The following PON3 variants were observed in gnomAD, a reference collection of about 807,000 sequenced individuals.
PON3 encodes paraoxonase 3.
PON3 carries 37 observed loss-of-function variants against 36.3 expected under a neutral mutation model. The observed-to-expected ratio is 1.02, with a 90% CI of 0.78 to 1.34. The LOEUF is 1.34. PON3 is among the 40% of genes most tolerant of loss of function. The pLI is 0.00. For missense variants in PON3, 415 were observed against 426.5 expected (o/e 0.97, Z 0.24); for synonymous variants, 155 against 154.8 (o/e 1.00, Z -0.01).
Position 95,367,490 on chromosome 7 carries a change from T to A in PON3, c.368-2A>T. The stretch of plus-strand genomic sequence containing the variant: ...CAACATAAAGATACACAGTATTGTC[T>A]ACATGGAAAAAAGGGATAATTTCCA... On this transcript the variant is annotated splice_acceptor_variant, in intron 4 of 8. Coordinates refer to ENST00000265627, the MANE Select transcript of PON3 (RefSeq NM_000940.3). LOFTEE classifies it high-confidence loss of function. The A allele has an allele frequency of 6.2e-7, 1 of 1,612,746 alleles. No individual in the cohort carries two copies. Among genetic ancestry groups the A allele is most frequent in the South Asian group, 1.1e-5 (1 of 91,054 alleles).
intron 8 of PON3, among the ~76,000 whole-genome samples, chr7:95,360,954 G>A (rs1015157562): frequency 6.6e-6 from 1 of 151,632 alleles, no homozygotes. Context: ...AAAATTAAAG[G>A]GTGTCAGTAA....
At chr7:95,386,941 C>T (rs1463235341) in intron 3 of PON3, among the ~76,000 whole-genome samples, 1 of 152,152 alleles carries the variant, frequency 6.6e-6, no homozygotes, top group Non-Finnish European at 1.5e-5. Flanking sequence ...AACAGCCCTT[C>T]ATGCTAAAAA....
Position 95,363,677 on chromosome 7 carries a change from C to A in PON3, c.695+186G>T, listed in dbSNP as rs1357548429. On this transcript the variant is annotated intron_variant, in intron 6 of 8. Coordinates refer to ENST00000265627, the MANE Select transcript of PON3 (RefSeq NM_000940.3). ...ACATCCCTCCTTTAACTGGGAAGAA[C>A]CTAAAGTCCAAGGAAACAAATGGAT... is the stretch of plus-strand genomic sequence containing the variant. 6 of 656,840 alleles carry A rather than the reference C, an allele frequency of 9.1e-6. No homozygotes were observed. In the South Asian group the frequency reaches 1.1e-4, roughly 12 times the overall value. 40.7% of individuals were successfully genotyped at this position (656,840 alleles called of 1,614,324 possible).
At chr7:95,380,138 G>A (rs185273994) in intron 3 of PON3, among the ~76,000 whole-genome samples, 102 of 152,278 alleles carry the variant, frequency 6.7e-4, no homozygotes, top group East Asian at 2.5e-3. Flanking sequence ...TGCAGCTGAC[G>A]GTCCTCACTC....
Position 95,390,210 on chromosome 7 carries a change from C to T in PON3, c.146-1G>A. On this transcript the variant is annotated splice_acceptor_variant, in intron 2 of 8. Transcript: ENST00000265627. LOFTEE classifies it high-confidence loss of function. The stretch of plus-strand genomic sequence containing the variant: ...ATATCAATATCTTCAGAGCCACTTT[C>T]TGCAAAAGAAGGGTAGAATCAGAAA... 1.2e-6 allele frequency: 2 copies of T among 1,610,104 alleles called. No homozygotes were observed. The highest frequency in any genetic ancestry group is 1.7e-5 in the Admixed American group (1 of 60,002).
chr7:95,394,643 C>A lies in PON3; in HGVS notation c.145+1G>T, dbSNP rs1254019132. Reference sequence around the variant, plus strand: ...TCCTCTTGGTACTGTCACATACATACCAAGTTCCTCAATAAGGTGGCAGTT... The same window carrying A: ...TCCTCTTGGTACTGTCACATACATAACAAGTTCCTCAATAAGGTGGCAGTT... On this transcript the variant is annotated splice_donor_variant, in intron 2 of 8. Transcript: ENST00000265627. LOFTEE classifies it high-confidence loss of function. 2 of 1,613,472 alleles carry A rather than the reference C, an allele frequency of 1.2e-6. No individual in the cohort carries two copies. Among genetic ancestry groups the A allele is most frequent in the Non-Finnish European group, 1.7e-6 (2 of 1,179,554 alleles).
chr7:95,360,138 A>C lies in PON3; in HGVS notation c.907-7T>G. ...CATTCTGGATGCGAAGTACCTGTCG[A>C]GAAAAGATCGTTTATTAGTATATTA... is the stretch of plus-strand genomic sequence containing the variant. On this transcript the variant is annotated splice_polypyrimidine_tract_variant and splice_region_variant and intron_variant, in intron 8 of 8. Coordinates refer to ENST00000265627, the MANE Select transcript of PON3 (RefSeq NM_000940.3). 1 of 1,611,632 alleles carries C rather than the reference A, an allele frequency of 6.2e-7. No individual in the cohort carries two copies. Among genetic ancestry groups the C allele is most frequent in the Non-Finnish European group, 8.5e-7 (1 of 1,177,758 alleles).
intron 7 of PON3, 38 bp from the exon 8 acceptor site, chr7:95,362,528 A>G: frequency 1.2e-6 from 2 of 1,612,616 alleles, no homozygotes; most frequent in Non-Finnish European, 1.7e-6. Flanking sequence ...CATTGTCTCA[A>G]TGATTCCTCG....
At chr7:95,394,558 G>T in intron 2 of PON3, 86 bp downstream of exon 2, 3 of 1,194,840 alleles carry the variant, frequency 2.5e-6, no homozygotes, top group Non-Finnish European at 3.7e-6. Flanking sequence ...GTAGTGACAG[G>T]TAATTAAATG....
intron 3 of PON3, among the ~76,000 whole-genome samples, chr7:95,378,991 T>C (rs1808982547): frequency 6.6e-6 from 1 of 151,992 alleles, no homozygotes; most frequent in Admixed American, 6.6e-5. Flanking sequence ...ATCTGTGTGC[T>C]GTATTCAGGA....
At chr7:95,390,815 T>C (rs1258161321) in intron 2 of PON3, among the ~76,000 whole-genome samples, 1 of 152,106 alleles carries the variant, frequency 6.6e-6, no homozygotes, top group Admixed American at 6.5e-5. Flanking sequence ...GAAAGAGACA[T>C]ATAATAAGTA....
intron 8 of PON3, among the ~76,000 whole-genome samples, chr7:95,360,971 C>T (rs1411047785): frequency 6.6e-6 from 1 of 151,826 alleles, no homozygotes; most frequent in Non-Finnish European, 1.5e-5. Flanking sequence ...GTAATTGTGA[C>T]AAAAAGTCTT....
chr7:95,363,460 C>T (rs1563612895), intron 6 of PON3: 1 of 245,002 alleles, frequency 4.1e-6, no homozygotes, highest in Non-Finnish European at 8.0e-6. Context: ...AATCCCTATG[C>T]CCAATCTAAG....
intron 3 of PON3, among the ~76,000 whole-genome samples, chr7:95,388,262 C>A (rs1809242893): frequency 1.3e-5 from 2 of 152,024 alleles, no homozygotes; most frequent in African/African-American, 2.4e-5. Flanking sequence ...CAAAGAACCC[C>A]GTCAAAAAGT....
intron 3 of PON3, among the ~76,000 whole-genome samples, chr7:95,388,791 GA>G (rs1809256811): frequency 6.6e-6 from 1 of 152,174 alleles, no homozygotes; most frequent in African/African-American, 2.4e-5. Flanking sequence ...CCTTTGCAGG[GA>G]CATGGATGAA....
chr7:95,387,912 G>A (rs1300794880), intron 3 of PON3, among the ~76,000 whole-genome samples: 1 of 152,096 alleles, frequency 6.6e-6, no homozygotes, highest in Non-Finnish European at 1.5e-5. Context: ...AATGGTGCTG[G>A]GAAAACTGGC....
intron 2 of PON3, among the ~76,000 whole-genome samples, chr7:95,393,388 A>C (rs1809362322): frequency 6.6e-6 from 1 of 152,192 alleles, no homozygotes; most frequent in Non-Finnish European, 1.5e-5. Flanking sequence ...TTTGCAGCTG[A>C]TTTTAGTAAG....
At position 95,359,992 on chromosome 7, in the gene PON3, G is replaced by A. The variant is rs1422743649; in HGVS notation, c.1046C>T (p.Thr349Ile). The A allele has an allele frequency of 1.2e-6, 2 of 1,606,900 alleles. No homozygotes were observed. The highest frequency in any genetic ancestry group is 1.7e-5 in the Admixed American group (1 of 59,712). The change falls in exon 9 of 9, where the codon ACT becomes ATT. Residue 349 changes from threonine to isoleucine, a missense_variant. Transcript: ENST00000265627. Reference protein sequence around the residue: ...KILIGTVFHKTLYCEL With the variant: ...KILIGTVFHKILYCEL ...TAGAGTCTAGAGCTCACAGTACAGA[G>A]TTTTGTGAAATACGGTGCCTATGAG...
At chr7:95,386,820 G>C (rs1321794396) in intron 3 of PON3, among the ~76,000 whole-genome samples, 2 of 152,114 alleles carry the variant, frequency 1.3e-5, no homozygotes, top group East Asian at 3.8e-4. Context: ...GAGATGCAAG[G>C]CTGGTTCAAC....
Sources: gnomAD v4.1 joint callset for allele counts (sites outside exome capture counted in the v4.1 genomes callset) on GRCh38, gnomAD v4.1.1 for gene constraint, MANE v1.5 for transcripts, NCBI Gene and HGNC (gene_info 2026-07-23, HGNC 2026-07-21) for gene names.